ROBO2: variants seen among roughly 807,000 people sequenced by gnomAD.
The protein encoded by ROBO2 is roundabout guidance receptor 2, also known as roundabout homolog 2.
Under a neutral mutation model 160.8 loss-of-function variants are expected in ROBO2, and 53 were observed. That is an observed-to-expected ratio of 0.33 (90% CI 0.26 to 0.41). The LOEUF (loss-of-function observed/expected upper bound fraction) is 0.41. Among genes scored for constraint, ROBO2 ranks in the 10% least tolerant of loss-of-function variants. The probability of loss-of-function intolerance (pLI) is 1.00; values close to 1 mark genes in which losing one functional copy is unlikely to be tolerated. For synonymous variants in ROBO2, 664 were observed against 611.7 expected (o/e 1.09, Z -1.26); for missense variants, 1,577 against 1,722.4 (o/e 0.92, Z 1.49).
intron 2 of ROBO2, among the ~76,000 whole-genome samples, chr3:76,779,338 G>T (rs1173620244): frequency 1.3e-5 from 2 of 150,942 alleles, no homozygotes; most frequent in East Asian, 3.9e-4. Context: ...TATTATTACT[G>T]AAATTTATGT....
chr3:76,325,456 A>G (rs1436769124), intron 2 of ROBO2, among the ~76,000 whole-genome samples: 1 of 152,214 alleles, frequency 6.6e-6, no homozygotes, highest in African/African-American at 2.4e-5. Flanking sequence ...GTTTCGTTTT[A>G]TAAATAATTT....
Position 76,662,883 on chromosome 3 carries a change from C to A in ROBO2, c.110-435131C>A, listed in dbSNP as rs114254669. Among the ~76,000 whole-genome samples the A allele has an allele frequency of 4.5e-3, 678 of 152,174 alleles. 9 individuals carry two copies. Among genetic ancestry groups the A allele is most frequent in the African/African-American group, 0.015 (626 of 41,512 alleles). On this transcript the variant is annotated intron_variant, in intron 2 of 26. Coordinates refer to the ROBO2 transcript ENST00000487694. The stretch of plus-strand genomic sequence containing the variant: ...TCAGTGAGAAAGGACATGGAGTGTC[C>A]TTCACCAGATGTTGAAGAAATTGAA...
chr3:76,065,829 T>C (rs1471994), intron 2 of ROBO2, among the ~76,000 whole-genome samples: 98,987 of 150,212 alleles, frequency 0.66, 33,259 homozygotes, highest in African/African-American at 0.78. Context: ...GTGGTTATTC[T>C]GAATTTTGTC....
chr3:77,377,397 T>C (rs2072835880), intron 2 of ROBO2, among the ~76,000 whole-genome samples: 1 of 152,210 alleles, frequency 6.6e-6, no homozygotes, highest in Non-Finnish European at 1.5e-5. Context: ...TTATTCCCTT[T>C]GAAAAACAAA....
At chr3:77,541,445 G>A (rs747943506) in intron 6 of ROBO2, among the ~76,000 whole-genome samples, 2 of 152,184 alleles carry the variant, frequency 1.3e-5, no homozygotes, top group African/African-American at 4.8e-5. Flanking sequence ...GCTGAATGCA[G>A]TATCAAAGCA....
chr3:76,067,352 G>C (rs1225292851), intron 2 of ROBO2, among the ~76,000 whole-genome samples: 1 of 152,162 alleles, frequency 6.6e-6, no homozygotes, highest in Non-Finnish European at 1.5e-5. Flanking sequence ...GTGTATACTA[G>C]TAACAGGGAC....
chr3:76,938,491 A>G (rs562557829), intron 2 of ROBO2, among the ~76,000 whole-genome samples: 3 of 151,494 alleles, frequency 2.0e-5, no homozygotes, highest in African/African-American at 7.3e-5. Context: ...CCACCAACCT[A>G]CTTTCTGCTT....
intron 2 of ROBO2, among the ~76,000 whole-genome samples, chr3:76,698,629 G>C (rs1423523607): frequency 2.0e-5 from 3 of 152,172 alleles, no homozygotes; most frequent in Non-Finnish European, 2.9e-5. Flanking sequence ...AAAGTGCTGT[G>C]TTCAAGTGCA....
At chr3:75,975,616 A>G (rs530959934) in intron 2 of ROBO2, among the ~76,000 whole-genome samples, 316 of 151,604 alleles carry the variant, frequency 2.1e-3, no homozygotes, top group Middle Eastern at 0.014. Flanking sequence ...ATGATCCTTG[A>G]TATCAACAAT....
intron 2 of ROBO2, among the ~76,000 whole-genome samples, chr3:76,409,890 T>G (rs1044991580): frequency 6.6e-6 from 1 of 152,064 alleles, no homozygotes; most frequent in Non-Finnish European, 1.5e-5. Flanking sequence ...TATGATAGAG[T>G]ACAGATCTAT....
intron 2 of ROBO2, among the ~76,000 whole-genome samples, chr3:76,857,663 G>A (rs895834725): frequency 5.9e-5 from 9 of 152,146 alleles, no homozygotes; most frequent in African/African-American, 1.9e-4. Context: ...GGCTTCCTAA[G>A]TTGTTTTCTC....
intron 22 of ROBO2, among the ~76,000 whole-genome samples, chr3:77,619,600 C>T (rs1016508977): frequency 2.6e-5 from 4 of 152,084 alleles, no homozygotes; most frequent in African/African-American, 4.8e-5. Context: ...TGAGGTCCTG[C>T]GACTTCATTT....
At chr3:75,988,107 T>C (rs2065463836) in intron 2 of ROBO2, among the ~76,000 whole-genome samples, 1 of 152,058 alleles carries the variant, frequency 6.6e-6, no homozygotes, top group Admixed American at 6.6e-5. Context: ...CTGGCGTTAT[T>C]ATAGTTCTTC....
At chr3:76,579,004 T>C (rs1416028207) in intron 2 of ROBO2, among the ~76,000 whole-genome samples, 2 of 152,146 alleles carry the variant, frequency 1.3e-5, no homozygotes, top group Non-Finnish European at 2.9e-5. Flanking sequence ...TTCTCTATAA[T>C]ACATCTCTTG....
intron 21 of ROBO2, among the ~76,000 whole-genome samples, chr3:77,611,014 G>A (rs954100703): frequency 6.6e-6 from 1 of 151,748 alleles, no homozygotes; most frequent in African/African-American, 2.4e-5. Flanking sequence ...AACTGCATAG[G>A]GTGGCTGGGC....
chr3:76,029,790 A>G (rs868510720), intron 2 of ROBO2, among the ~76,000 whole-genome samples: 1 of 152,176 alleles, frequency 6.6e-6, no homozygotes, highest in Non-Finnish European at 1.5e-5. Flanking sequence ...GTTGGTTCCA[A>G]GTCTTTGCTA....
At chr3:77,328,714 A>T (rs1443253937) in intron 2 of ROBO2, among the ~76,000 whole-genome samples, 1 of 152,146 alleles carries the variant, frequency 6.6e-6, no homozygotes, top group East Asian at 1.9e-4. Flanking sequence ...GTTTCACAAC[A>T]CTTTATACTC....
At chr3:76,462,684 CTTGT>C (rs1301492324) in intron 2 of ROBO2, among the ~76,000 whole-genome samples, 1 of 151,244 alleles carries the variant, frequency 6.6e-6, no homozygotes, top group Non-Finnish European at 1.5e-5. Flanking sequence ...GGAAATATAG[CTTGT>C]TTATTTCAGC....
intron 2 of ROBO2, among the ~76,000 whole-genome samples, chr3:76,724,506 C>T (rs542211004): frequency 6.6e-6 from 1 of 152,296 alleles, no homozygotes; most frequent in Admixed American, 6.5e-5. Flanking sequence ...CAGCTCTCTG[C>T]TCTATTCTCC....
Sources: allele counts gnomAD v4.1 joint callset (sites outside exome capture counted in the v4.1 genomes callset), GRCh38; gene constraint gnomAD v4.1.1; transcripts MANE v1.5; gene names NCBI Gene and HGNC (gene_info 2026-07-23, HGNC 2026-07-21).